Variants in ADARB2 observed in about 807,000 individuals in gnomAD.
ADARB2 encodes the protein adenosine deaminase RNA specific B2 (inactive), also known as inactive double-stranded RNA-specific editase B2.
Under a neutral mutation model 62.2 loss-of-function variants are expected in ADARB2, and 25 were observed. The observed-to-expected ratio is 0.40, with a 90% CI of 0.29 to 0.56. The LOEUF is 0.56. Ranked by LOEUF, ADARB2 falls within the 20% of genes least tolerant of loss-of-function variation. The pLI is 0.43. For synonymous variants in ADARB2, 572 were observed against 500.8 expected, an observed-to-expected ratio of 1.14 and a Z score of -1.90; for missense variants, 1,071 against 1,077.4, an observed-to-expected ratio of 0.99 and a Z score of 0.08.
chr10:1,555,608 G>T (rs1227733140), intron 1 of ADARB2, among the ~76,000 whole-genome samples: 1 of 152,116 alleles, frequency 6.6e-6, no homozygotes, highest in Admixed American at 6.6e-5. Context: ...TGTCAGGTAT[G>T]CGAGACTACA....
In ADARB2 at chr10:1,683,837, C is replaced by T. The variant is rs193118232; in HGVS notation, c.100+53214G>A. ...CAAGGAAAAGAATCACATAAGAAGG[C>T]GGTGGGGCTGAGTCCGAGGCCGGAT... On this transcript the variant is annotated intron_variant, in intron 1 of 9. Transcript: ENST00000381312. Among the ~76,000 whole-genome samples, 4 of 152,294 alleles carry T rather than the reference C, an allele frequency of 2.6e-5. No homozygotes were observed. The East Asian group carries it at 5.8e-4, about 22-fold the overall frequency.
intron 1 of ADARB2, among the ~76,000 whole-genome samples, chr10:1,466,849 G>T (rs34040681): frequency 0.1 from 15,688 of 152,132 alleles, 874 homozygotes; most frequent in Middle Eastern, 0.2. Flanking sequence ...TCGGGACAGA[G>T]TCTACTTTAA....
At position 1,540,522 on chromosome 10, in the gene ADARB2, TCAGACGTAGTTCAGACCCTG is replaced by T. The variant is rs1184682659; in HGVS notation, c.101-161382_101-161363del. On this transcript the variant is annotated intron_variant, in intron 1 of 9. Coordinates refer to ENST00000381312, the MANE Select transcript of ADARB2 (RefSeq NM_018702.4). ...TGGATCACAGCCGCCCAGACCCCAC[TCAGACGTAGTTCAGACCCTG>T]GATCACAGCCGTCCAGACCCCACTC... Among the ~76,000 whole-genome samples, 153 of 112,196 alleles carry T rather than the reference TCAGACGTAGTTCAGACCCTG, an allele frequency of 1.4e-3. 5 individuals carry two copies. The highest frequency in any genetic ancestry group is 3.8e-3 in the African/African-American group (105 of 27,900). 73.6% of individuals were successfully genotyped at this position (112,196 alleles called of 152,430 possible).
At chr10:1,654,161 C>G (rs1334188607) in intron 1 of ADARB2, among the ~76,000 whole-genome samples, 4 of 152,308 alleles carry the variant, frequency 2.6e-5, no homozygotes, top group Admixed American at 2.6e-4. Flanking sequence ...ATCAAATCCA[C>G]TTGAAATGGG....
chr10:1,685,168 C>T (rs1834583510), intron 1 of ADARB2, among the ~76,000 whole-genome samples: 1 of 152,140 alleles, frequency 6.6e-6, no homozygotes, highest in African/African-American at 2.4e-5. Context: ...AGCCAGCAGC[C>T]CGGGGTGCGA....
chr10:1,588,885 G>A (rs1833212629), intron 1 of ADARB2, among the ~76,000 whole-genome samples: 1 of 152,200 alleles, frequency 6.6e-6, no homozygotes, highest in African/African-American at 2.4e-5. Context: ...TCCGATGCTT[G>A]GAGGAGTCGG....
intron 2 of ADARB2, among the ~76,000 whole-genome samples, chr10:1,368,721 G>A (rs57180724): frequency 0.74 from 111,989 of 151,810 alleles, 43,150 homozygotes; most frequent in Non-Finnish European, 0.85. Flanking sequence ...ACTGAGTCAG[G>A]TAACAGTGCA....
At chr10:1,442,075 A>G (rs1417921685) in intron 1 of ADARB2, among the ~76,000 whole-genome samples, 1 of 152,242 alleles carries the variant, frequency 6.6e-6, no homozygotes, top group Non-Finnish European at 1.5e-5. Flanking sequence ...CCATAACTAT[A>G]AAGTTAAATA....
chr10:1,601,344 G>A (rs1027218829), intron 1 of ADARB2, among the ~76,000 whole-genome samples: 1 of 152,220 alleles, frequency 6.6e-6, no homozygotes, highest in African/African-American at 2.4e-5. Context: ...CGGCTCTGCA[G>A]TGTGGGTCTA....
At chr10:1,406,012 C>T (rs1264182315) in intron 1 of ADARB2, among the ~76,000 whole-genome samples, 1 of 151,774 alleles carries the variant, frequency 6.6e-6, no homozygotes, top group African/African-American at 2.4e-5. Flanking sequence ...TGGATACACC[C>T]ATTTATTAAA....
At chr10:1,609,195 C>T (rs895055146) in intron 1 of ADARB2, among the ~76,000 whole-genome samples, 1 of 152,236 alleles carries the variant, frequency 6.6e-6, no homozygotes, top group Non-Finnish European at 1.5e-5. Flanking sequence ...TGGGAATGTG[C>T]CGCAGGGCTG....
At position 1,716,015 on chromosome 10, in the gene ADARB2, G is replaced by A. The variant is rs77531887; in HGVS notation, c.100+21036C>T. ...GCTGCTGTATGCACACTCCCCTCCC[G>A]CCCGCTGAGTCAGTGTGCCCTGCGC... On this transcript the variant is annotated intron_variant, in intron 1 of 9. Coordinates refer to ENST00000381312, the MANE Select transcript of ADARB2 (RefSeq NM_018702.4). 1.8e-4 allele frequency among the ~76,000 whole-genome samples: 27 copies of A among 152,044 alleles called. No homozygotes were observed. In the East Asian group the frequency reaches 3.3e-3, roughly 19 times the overall value.
At chr10:1,424,376 T>C (rs778493191) in intron 1 of ADARB2, among the ~76,000 whole-genome samples, 27 of 152,312 alleles carry the variant, frequency 1.8e-4, no homozygotes, top group Non-Finnish European at 3.5e-4. Context: ...AACACCCCTG[T>C]GAGAACCATG....
intron 1 of ADARB2, among the ~76,000 whole-genome samples, chr10:1,496,177 C>A (rs1236512093): frequency 2.0e-5 from 3 of 152,058 alleles, no homozygotes; most frequent in African/African-American, 7.2e-5. Flanking sequence ...TCACCATCAT[C>A]ATCATAGTCA....
At chr10:1,525,945 G>C (rs1588287764) in intron 1 of ADARB2, among the ~76,000 whole-genome samples, 1 of 152,120 alleles carries the variant, frequency 6.6e-6, no homozygotes, top group Non-Finnish European at 1.5e-5. Context: ...GAGCACGTAT[G>C]GGTGTGTGTG....
chr10:1,409,883 GGTC>G (rs1405431495), intron 1 of ADARB2, among the ~76,000 whole-genome samples: 10 of 114,674 alleles, frequency 8.7e-5, no homozygotes, highest in Non-Finnish European at 1.2e-4. Flanking sequence ...GCCTGGCTGT[GGTC>G]ATAGGGAAGG....
At chr10:1,711,633 C>T (rs1345459200) in intron 1 of ADARB2, among the ~76,000 whole-genome samples, 1 of 152,220 alleles carries the variant, frequency 6.6e-6, no homozygotes, top group Non-Finnish European at 1.5e-5. Context: ...GGCAATTCCT[C>T]ATTTCTCAGG....
intron 1 of ADARB2, among the ~76,000 whole-genome samples, chr10:1,610,359 GA>G (rs1356856745): frequency 6.6e-5 from 10 of 152,220 alleles, no homozygotes; most frequent in Non-Finnish European, 1.3e-4. Context: ...TTAAGGGCCA[GA>G]AACAGGCTTT....
intron 3 of ADARB2, among the ~76,000 whole-genome samples, chr10:1,358,589 C>A (rs1832218770): frequency 6.6e-6 from 1 of 152,066 alleles, no homozygotes; most frequent in African/African-American, 2.4e-5. Context: ...GAACTTCTCA[C>A]TGGCAGGGAA....
Sources: allele counts gnomAD v4.1 joint callset (sites outside exome capture counted in the v4.1 genomes callset), GRCh38; gene constraint gnomAD v4.1.1; transcripts MANE v1.5; gene names NCBI Gene and HGNC (gene_info 2026-07-23, HGNC 2026-07-21).